Variants in DBNDD1 observed in about 807,000 individuals in gnomAD.
DBNDD1 encodes the protein dysbindin domain containing 1.
DBNDD1 carries 14 observed loss-of-function variants against 17.0 expected under a neutral mutation model. The ratio of observed to expected loss-of-function variants is 0.82; its 90% CI spans 0.54 to 1.29. The LOEUF is 1.29. Ranked by LOEUF, DBNDD1 falls within the 50% of genes most tolerant of loss-of-function variation. The pLI, the probability that DBNDD1 is intolerant of heterozygous loss-of-function variation, is 0.00. For synonymous variants in DBNDD1, 105 were observed against 102.0 expected (o/e 1.03, Z -0.18); for missense variants, 221 against 216.2 (o/e 1.02, Z -0.14).
Position 90,019,267 on chromosome 16 carries a change from G to A in DBNDD1, c.31+44C>T. 8.9e-7 allele frequency: 1 copy of A among 1,124,348 alleles called. No homozygotes were observed. Among genetic ancestry groups the A allele is most frequent in the Non-Finnish European group, 1.1e-6 (1 of 892,760 alleles). The allele number at this position is 1,124,348 out of a possible 1,614,324, so 69.6% of individuals were successfully genotyped here. ...GGGGGAGGGGCTGCGGCTCGCTGCG[G>A]GGAAGCGCTGCGCGGGGGTCTCGGG... On this transcript the variant is annotated intron_variant, in intron 1 of 3. Coordinates refer to ENST00000002501, the MANE Select transcript of DBNDD1 (RefSeq NM_001042610.3). This position sits in a 1 kb window ranked among gnomAD's most constrained non-coding sequence, Gnocchi z 6.1.
In DBNDD1 at chr16:90,007,934, A is replaced by C. The variant is rs1324355184; in HGVS notation, c.319+850T>G. ...ACGTCCCAAGGGGCCTCACCCCCCAAACACACCTCCCAGGACTTCCCAAGG... is the reference window on the plus strand; with the variant it reads ...ACGTCCCAAGGGGCCTCACCCCCCACACACACCTCCCAGGACTTCCCAAGG... On this transcript the variant is annotated intron_variant, in intron 3 of 3. Transcript: ENST00000002501. 9.2e-3 allele frequency among the ~76,000 whole-genome samples: 1,234 copies of C among 134,462 alleles called. 22 individuals are homozygous for C. Among genetic ancestry groups the C allele is most frequent in the East Asian group, 0.032 (119 of 3,756 alleles). 88.2% of individuals were successfully genotyped at this position (134,462 alleles called of 152,430 possible).
Position 90,006,056 on chromosome 16 carries a change from A to C in DBNDD1, c.*279T>G. ...GGGGCCCAGGAACGAGCTGGACGTA[A>C]GGCCACTGGGCTGTGCTTGTGCTGG... is the stretch of plus-strand genomic sequence containing the variant. On this transcript the variant is annotated 3_prime_UTR_variant, in exon 4 of 4. Transcript: ENST00000002501. 1 of 383,052 alleles carries C rather than the reference A, an allele frequency of 2.6e-6. No homozygotes were observed. Among genetic ancestry groups the C allele is most frequent in the Non-Finnish European group, 4.9e-6 (1 of 203,632 alleles). 23.7% of individuals were successfully genotyped at this position (383,052 alleles called of 1,614,324 possible). A position where few individuals can be genotyped will look rare whatever the true frequency, so the allele number is the denominator to read the frequency against.
chr16:90,006,244 G>T lies in DBNDD1; in HGVS notation c.*91C>A. ...AGGTGACGGCTGGAGCCTCGTGGGC[G>T]GGTGAAGTGTGTCTGCTGGGTCAGC... On this transcript the variant is annotated 3_prime_UTR_variant, in exon 4 of 4. Transcript: ENST00000002501. 6.8e-7 allele frequency: 1 copy of T among 1,462,946 alleles called. No individual in the cohort carries two copies. 90.6% of individuals were successfully genotyped at this position (1,462,946 alleles called of 1,614,324 possible). A position where few individuals can be genotyped will look rare whatever the true frequency, so the allele number is the denominator to read the frequency against.
chr16:90,013,459 C>G (rs889133259), intron 1 of DBNDD1, among the ~76,000 whole-genome samples: 1 of 152,098 alleles, frequency 6.6e-6, no homozygotes, highest in Non-Finnish European at 1.5e-5. Context: ...CAGCACAGGG[C>G]TGGCCAGGGA....
chr16:90,013,168 T>C (rs1363947023), intron 1 of DBNDD1, among the ~76,000 whole-genome samples: 1 of 146,972 alleles, frequency 6.8e-6, no homozygotes, highest in African/African-American at 2.5e-5. Flanking sequence ...CTCGGGAAGC[T>C]GAGGCAGGAG....
rs1232554114 is a variant in DBNDD1, at chr16:90,009,346, TC to T, written c.115del (p.Glu39ArgfsTer24). ...GTGDNGHTPVEEEVGGIPVPA... is the reference protein window; with the variant it reads ...GTGDNGHTPVXEEVGGIPVPA... ...TACTGGGATGCCCCCGACCTCCTCC[TC>T]CACAGGCGTGTGGCCATTGTCCCCT... On this transcript the variant is annotated frameshift_variant, in exon 2 of 4. Coordinates refer to ENST00000002501, the MANE Select transcript of DBNDD1 (RefSeq NM_001042610.3). LOFTEE classifies it high-confidence loss of function. 1 of 1,613,362 alleles carries T rather than the reference TC, an allele frequency of 6.2e-7. No individual in the cohort carries two copies. The highest frequency in any genetic ancestry group is 8.5e-7 in the Non-Finnish European group (1 of 1,179,998).
At chr16:90,019,811 G>T (rs1260661037), upstream of DBNDD1, 1 of 688,776 alleles carries the variant, frequency 1.5e-6, no homozygotes, top group Non-Finnish European at 2.6e-6. The surrounding 1 kb of genome is among the most constrained non-coding windows in gnomAD (Gnocchi z 6.1). Flanking sequence ...GCGCCCCTCG[G>T]GGCTGGCGAG....
At chr16:90,014,754 C>T (rs1335955000) in intron 1 of DBNDD1, among the ~76,000 whole-genome samples, 3 of 152,054 alleles carry the variant, frequency 2.0e-5, no homozygotes, top group Non-Finnish European at 4.4e-5. Context: ...CCTGTAATCC[C>T]AGCACTTTGG....
Position 90,006,187 on chromosome 16 carries a change from G to C in DBNDD1, c.*148C>G. Reference sequence around the variant, plus strand: ...AGCAGACAAGGCCGGTCTCGGGGCTGGCAGAGAGCTGCCCCCAGGGTGTGT... The same window carrying C: ...AGCAGACAAGGCCGGTCTCGGGGCTCGCAGAGAGCTGCCCCCAGGGTGTGT... On this transcript the variant is annotated 3_prime_UTR_variant, in exon 4 of 4. Transcript: ENST00000002501. 1 of 1,140,798 alleles carries C rather than the reference G, an allele frequency of 8.8e-7. No individual in the cohort carries two copies. Among genetic ancestry groups the C allele is most frequent in the Non-Finnish European group, 1.2e-6 (1 of 827,290 alleles). 70.7% of individuals were successfully genotyped at this position (1,140,798 alleles called of 1,614,324 possible). A position where few individuals can be genotyped will look rare whatever the true frequency, so the allele number is the denominator to read the frequency against.
intron 1 of DBNDD1, among the ~76,000 whole-genome samples, chr16:90,017,780 C>T (rs1193692701): frequency 6.6e-6 from 1 of 152,206 alleles, no homozygotes; most frequent in Non-Finnish European, 1.5e-5. Context: ...GACAAGGAAA[C>T]AGGAGTTGGT....
intron 1 of DBNDD1, chr16:90,010,107 G>A: frequency 6.5e-7 from 1 of 1,529,946 alleles, no homozygotes; most frequent in South Asian, 1.1e-5. Context: ...GTGCAGTGGT[G>A]CAATCTCGGC....
At chr16:90,018,014 G>C (rs1171094586) in intron 1 of DBNDD1, among the ~76,000 whole-genome samples, 1 of 152,200 alleles carries the variant, frequency 6.6e-6, no homozygotes, top group Non-Finnish European at 1.5e-5. Context: ...AAGGAGGAGG[G>C]AAAACATATT....
chr16:90,018,413 G>C (rs555647614), intron 1 of DBNDD1, among the ~76,000 whole-genome samples: 95 of 152,342 alleles, frequency 6.2e-4, no homozygotes, highest in African/African-American at 2.2e-3. Flanking sequence ...GTGCGGCTGG[G>C]GGACTGAGAG....
At chr16:90,019,792 T>C, upstream of DBNDD1, 1 of 688,822 alleles carries the variant, frequency 1.5e-6, no homozygotes. This position sits in a 1 kb window ranked among gnomAD's most constrained non-coding sequence, Gnocchi z 6.1. Flanking sequence ...GGGCGCCGAC[T>C]GTGTGCGGGC....
chr16:90,014,306 T>C (rs1415511919), intron 1 of DBNDD1, among the ~76,000 whole-genome samples: 1 of 152,024 alleles, frequency 6.6e-6, no homozygotes, highest in Non-Finnish European at 1.5e-5. Context: ...TTTGTATCTT[T>C]AGTAGAGATG....
intron 1 of DBNDD1, among the ~76,000 whole-genome samples, chr16:90,013,287 A>G (rs915591620): frequency 6.8e-6 from 1 of 146,974 alleles, no homozygotes; most frequent in East Asian, 2.0e-4. Flanking sequence ...AAAAAAAGAC[A>G]GTGGCTTATG....
At position 90,009,269 on chromosome 16, in the gene DBNDD1, G is replaced by T. The variant is rs373444495; in HGVS notation, c.178+15C>A. 1 of 1,612,080 alleles carries T rather than the reference G, an allele frequency of 6.2e-7. No individual in the cohort carries two copies. ...GGGTCCCCATAGCGTGCGCTGGGCAGGGAGCAGTACTTACGCCTCCTCTCC... is the reference window on the plus strand; with the variant it reads ...GGGTCCCCATAGCGTGCGCTGGGCATGGAGCAGTACTTACGCCTCCTCTCC... On this transcript the variant is annotated intron_variant, in intron 2 of 3. Transcript: ENST00000002501.
At chr16:90,019,685 C>T, upstream of DBNDD1, 1 of 553,404 alleles carries the variant, frequency 1.8e-6, no homozygotes, top group Non-Finnish European at 3.1e-6. This position sits in a 1 kb window ranked among gnomAD's most constrained non-coding sequence, Gnocchi z 6.1. Flanking sequence ...CTGGCTGCGC[C>T]CTCCCGACCC....
intron 1 of DBNDD1, among the ~76,000 whole-genome samples, chr16:90,015,105 A>C (rs2035618846): frequency 6.6e-6 from 1 of 152,092 alleles, no homozygotes. Flanking sequence ...CAGTCCTGTA[A>C]GCATTTGAAG....
Sources: gnomAD v4.1 joint callset for allele counts (sites outside exome capture counted in the v4.1 genomes callset) on GRCh38, gnomAD v4.1.1 for gene constraint, Gnocchi (gnomAD v3.1) non-coding constraint, MANE v1.5 for transcripts, NCBI Gene and HGNC (gene_info 2026-07-23, HGNC 2026-07-21) for gene names.